SHPRH: variants seen among roughly 807,000 people sequenced by gnomAD.
The protein encoded by SHPRH is E3 ubiquitin-protein ligase SHPRH.
SHPRH carries 106 observed loss-of-function variants against 202.5 expected under a neutral mutation model. The ratio of observed to expected loss-of-function variants is 0.52; its 90% CI spans 0.45 to 0.62. The LOEUF (loss-of-function observed/expected upper bound fraction) is 0.62. Among genes scored for constraint, SHPRH ranks in the 20% least tolerant of loss-of-function variants. The probability of loss-of-function intolerance (pLI) is 0.00; values close to 1 mark genes in which losing one functional copy is unlikely to be tolerated. For synonymous variants in SHPRH, 729 were observed against 686.0 expected (o/e 1.06, Z -0.98); for missense variants, 1,710 against 2,020.0 (o/e 0.85, Z 2.94).
intron 2 of SHPRH, among the ~76,000 whole-genome samples, chr6:145,953,265 A>C (rs1171336027): frequency 2.6e-5 from 4 of 152,070 alleles, no homozygotes; most frequent in Non-Finnish European, 5.9e-5. Flanking sequence ...AATGAATGAC[A>C]AAGAGTGTAT....
Position 145,954,734 on chromosome 6 carries a change from T to C in SHPRH, c.589A>G (p.Arg197Gly). 6.2e-7 allele frequency: 1 copy of C among 1,603,840 alleles called. No homozygotes were observed. Among genetic ancestry groups the C allele is most frequent in the Non-Finnish European group, 8.5e-7 (1 of 1,177,378 alleles). The stretch of plus-strand genomic sequence containing the variant: ...TCTGGTTTCTGATAGAGTTTTATTC[T>C]TCTCTTCTTTTGTAGCCACCCCAAA... ...EDLGWLQKKR[R>G]IKLYQKPEGN... Residue 197 changes from arginine (R) to glycine (G), a missense_variant, in exon 2 of 30, where the codon AGA (arginine) becomes GGA (glycine). This residue lies in a region of SHPRH where 459 missense variants were observed against 426.5 expected (regional missense o/e 1.08). Coordinates refer to ENST00000275233, the MANE Select transcript of SHPRH (RefSeq NM_001042683.3).
At chr6:145,871,346 C>G (rs1583258354) in intron 2 of SHPRH, 1 of 152,298 alleles carries the variant, frequency 6.6e-6, no homozygotes, top group Admixed American at 6.5e-5. Flanking sequence ...TGATAAGCAA[C>G]TTCAGCAAAG....
At position 145,947,418 on chromosome 6, in the gene SHPRH, A is replaced by C. The variant is rs1393519311; in HGVS notation, c.1212+75T>G. The stretch of plus-strand genomic sequence containing the variant: ...ACAGAAAGTGTTGACTTAAGTGCCA[A>C]GCAAATGTTCAACATACGATGCTTT... On this transcript the variant is annotated intron_variant, in intron 6 of 29. Transcript: ENST00000275233. 5 of 1,501,550 alleles carry C rather than the reference A, an allele frequency of 3.3e-6. No individual in the cohort carries two copies. The African/African-American group carries it at 5.6e-5, about 17-fold the overall frequency. The allele number at this position is 1,501,550 out of a possible 1,614,324, so 93.0% of individuals were successfully genotyped here.
chr6:145,861,774 T>C (rs907561539), downstream of SHPRH, among the ~76,000 whole-genome samples: 4 of 152,236 alleles, frequency 2.6e-5, no homozygotes, highest in African/African-American at 9.6e-5. Flanking sequence ...TACATGGATA[T>C]AGATGTAAAT....
intron 25 of SHPRH, chr6:145,907,543 G>C (rs1562306326): frequency 6.6e-6 from 1 of 151,978 alleles, no homozygotes; most frequent in Non-Finnish European, 1.5e-5. Context: ...TCAACATCTG[G>C]TCCCCTAGTT....
intron 2 of SHPRH, among the ~76,000 whole-genome samples, chr6:145,878,435 C>T (rs373070652): frequency 2.0e-5 from 3 of 152,236 alleles, no homozygotes; most frequent in South Asian, 2.1e-4. Flanking sequence ...CTAAAAATCC[C>T]GTTTTGTTTA....
chr6:145,962,530 G>C (rs1332449724), intron 1 of SHPRH, among the ~76,000 whole-genome samples: 1 of 152,120 alleles, frequency 6.6e-6, no homozygotes, highest in African/African-American at 2.4e-5. Flanking sequence ...ATCTTTAACA[G>C]AAAACAAGGA....
intron 1 of SHPRH, among the ~76,000 whole-genome samples, chr6:145,956,749 T>C (rs1441041305): frequency 6.6e-6 from 1 of 152,116 alleles, no homozygotes; most frequent in Non-Finnish European, 1.5e-5. Flanking sequence ...GAAAATAGTA[T>C]AACAGTATAA....
chr6:145,954,187 G>A (rs914469743), intron 2 of SHPRH, among the ~76,000 whole-genome samples: 4 of 151,994 alleles, frequency 2.6e-5, no homozygotes. Flanking sequence ...GACGCAGAAA[G>A]TCAGTGTGGT....
downstream of SHPRH, chr6:145,864,095 T>C (rs73576146): frequency 0.014 from 2,278 of 160,508 alleles, 47 homozygotes; most frequent in African/African-American, 0.051. Context: ...AGTGCTTTAT[T>C]ATTTCATCTT....
intron 15 of SHPRH, among the ~76,000 whole-genome samples, chr6:145,926,727 G>A (rs1312093322): frequency 6.6e-6 from 1 of 151,782 alleles, no homozygotes; most frequent in Non-Finnish European, 1.5e-5. Context: ...GTCTATATGA[G>A]TCAATGACAG....
chr6:145,931,785 G>A (rs1397735184), intron 14 of SHPRH, among the ~76,000 whole-genome samples: 1 of 151,844 alleles, frequency 6.6e-6, no homozygotes, highest in Non-Finnish European at 1.5e-5. Context: ...TCATATATAG[G>A]ATAATAATCT....
intron 28 of SHPRH, among the ~76,000 whole-genome samples, chr6:145,891,769 A>C (rs1314400837): frequency 6.6e-6 from 1 of 152,188 alleles, no homozygotes; most frequent in Non-Finnish European, 1.5e-5. Context: ...AGTAGAAAAA[A>C]ACATATTGAC....
intron 2 of SHPRH, among the ~76,000 whole-genome samples, chr6:145,865,474 C>T (rs747574061): frequency 1.2e-4 from 18 of 152,144 alleles, no homozygotes; most frequent in Admixed American, 1.1e-3. Flanking sequence ...AATGAATGAA[C>T]GAATAAAATC....
chr6:145,884,522 C>T (rs1436510137), downstream of SHPRH: 1 of 152,120 alleles, frequency 6.6e-6, no homozygotes, highest in East Asian at 1.9e-4. Context: ...ATTAGCATAG[C>T]ACCCATTTAA....
rs1377083048 is a variant in SHPRH, at chr6:145,954,945, T to C, written c.378A>G (p.Ala126=). 2 of 1,613,792 alleles carry C rather than the reference T, an allele frequency of 1.2e-6. No individual in the cohort carries two copies. The highest frequency in any genetic ancestry group is 2.7e-5 in the African/African-American group (2 of 74,924). Residue 126 remains alanine, a synonymous_variant, in exon 2 of 30, where the codon GCA becomes GCG. Coordinates refer to ENST00000275233, the MANE Select transcript of SHPRH (RefSeq NM_001042683.3). ...CGGAAAAATTTTCAATTAAACTCTG[T>C]GCAGGAAGAAGCTGAAGAGTTAATT... The part of the protein sequence containing the change: ...LGELTLQLLP[A]QSLIENFSER...
At chr6:145,935,527 C>A in intron 11 of SHPRH, 86 bp from the exon 12 acceptor site, 1 of 1,274,418 alleles carries the variant, frequency 7.8e-7, no homozygotes, top group Non-Finnish European at 1.1e-6. Context: ...CATTACACAG[C>A]ACATAGAACT....
rs1785355669 is a variant in SHPRH at position 145,930,777 on chromosome 6, T to C, written c.3112+2280A>G. Among the ~76,000 whole-genome samples the C allele has an allele frequency of 3.3e-5, 5 of 152,238 alleles. No individual in the cohort carries two copies. The South Asian group carries it at 1.0e-3, about 31-fold the overall frequency. On this transcript the variant is annotated intron_variant, in intron 14 of 29. Coordinates refer to ENST00000275233, the MANE Select transcript of SHPRH (RefSeq NM_001042683.3). ...ACTATGTATGCCCTCACTTATTTTT[T>C]ACTTATTCTATACATAACTGAGAGA...
chr6:145,950,001 T>C (rs905284489), intron 4 of SHPRH, among the ~76,000 whole-genome samples: 10 of 152,112 alleles, frequency 6.6e-5, no homozygotes, highest in African/African-American at 1.9e-4. Flanking sequence ...AAAAATTTCT[T>C]GGTTTTTAAA....
Sources: gnomAD v4.1 joint callset for allele counts (sites outside exome capture counted in the v4.1 genomes callset) on GRCh38, gnomAD v4.1.1 for gene constraint, gnomAD v4.1.1 regional missense constraint, MANE v1.5 for transcripts, NCBI Gene and HGNC (gene_info 2026-07-23, HGNC 2026-07-21) for gene names.